The following TFDP2 variants were observed in gnomAD, a reference collection of about 807,000 sequenced individuals.
TFDP2 encodes the protein transcription factor Dp-2 (E2F dimerization partner 2).
A neutral mutation model predicts 59.3 loss-of-function variants in TFDP2; 17 were observed. The observed-to-expected ratio is 0.29, with a 90% CI of 0.20 to 0.43. TFDP2 has a LOEUF of 0.43. Ranked by LOEUF, TFDP2 falls within the 20% of genes least tolerant of loss-of-function variation. The pLI, the probability that TFDP2 is intolerant of heterozygous loss-of-function variation, is 1.00. For missense variants in TFDP2, 391 were observed against 528.8 expected, an observed-to-expected ratio of 0.74 and a Z score of 2.56; for synonymous variants, 180 against 194.7, an observed-to-expected ratio of 0.92 and a Z score of 0.63.
chr3:142,001,990 GTTTTTTT>G (rs140582209), intron 4 of TFDP2, among the ~76,000 whole-genome samples: 1 of 116,788 alleles, frequency 8.6e-6, no homozygotes, highest in Admixed American at 8.6e-5. Flanking sequence ...ACCATGCCTG[GTTTTTTT>G]TTTTTTTTTT....
At chr3:142,049,445 C>A (rs542703219) in intron 3 of TFDP2, among the ~76,000 whole-genome samples, 1 of 152,180 alleles carries the variant, frequency 6.6e-6, no homozygotes, top group African/African-American at 2.4e-5. Flanking sequence ...TCTCAGCAGA[C>A]AAGGAATAGA....
intron 3 of TFDP2, among the ~76,000 whole-genome samples, chr3:142,048,497 A>G (rs1337070229): frequency 6.6e-6 from 1 of 152,096 alleles, no homozygotes; most frequent in East Asian, 1.9e-4. Context: ...TTTGTCAGTA[A>G]TATTTCAGAT....
intron 9 of TFDP2, among the ~76,000 whole-genome samples, chr3:141,966,393 G>C (rs976245327): frequency 6.6e-6 from 1 of 151,584 alleles, no homozygotes; most frequent in Non-Finnish European, 1.5e-5. Flanking sequence ...GGCTGGTCTC[G>C]AACTCCTGAC....
chr3:142,088,724 C>A (rs539409855), intron 3 of TFDP2, among the ~76,000 whole-genome samples: 2 of 151,766 alleles, frequency 1.3e-5, no homozygotes, highest in African/African-American at 4.8e-5. Flanking sequence ...AATCCTTCCA[C>A]CTCAGTCTCC....
At chr3:142,079,872 C>T (rs2108577738) in intron 3 of TFDP2, among the ~76,000 whole-genome samples, 1 of 152,314 alleles carries the variant, frequency 6.6e-6, no homozygotes, top group South Asian at 2.1e-4. Context: ...AACACCAGAC[C>T]TGTTCTACAA....
intron 1 of TFDP2, among the ~76,000 whole-genome samples, chr3:142,110,181 G>C (rs944563393): frequency 6.6e-6 from 1 of 151,970 alleles, no homozygotes; most frequent in African/African-American, 2.4e-5. Context: ...ACCACGCCCA[G>C]TCCATTGCTC....
intron 6 of TFDP2, among the ~76,000 whole-genome samples, chr3:141,979,448 C>G (rs182475088): frequency 6.6e-6 from 1 of 152,220 alleles, no homozygotes; most frequent in African/African-American, 2.4e-5. Flanking sequence ...AGGAGGTATC[C>G]AGAAGAACGC....
At chr3:142,112,001 G>A (rs563902142) in intron 1 of TFDP2, among the ~76,000 whole-genome samples, 1 of 152,224 alleles carries the variant, frequency 6.6e-6, no homozygotes, top group South Asian at 2.1e-4. Context: ...AGGAGGCAGA[G>A]GCTGTAGTGA....
At chr3:142,079,596 T>A (rs2060569538) in intron 3 of TFDP2, among the ~76,000 whole-genome samples, 1 of 151,894 alleles carries the variant, frequency 6.6e-6, no homozygotes, top group Non-Finnish European at 1.5e-5. Flanking sequence ...GATTTAATAA[T>A]CAAACTCCTG....
chr3:141,974,301 ATTTT>A (rs1257703214), intron 7 of TFDP2, 110 bp from the exon 8 acceptor site: 1 of 960,170 alleles, frequency 1.0e-6, no homozygotes. Context: ...GAAGGATTCT[ATTTT>A]TTTATTTAGC....
At chr3:142,105,304 T>G (rs887540510) in intron 1 of TFDP2, among the ~76,000 whole-genome samples, 9 of 152,186 alleles carry the variant, frequency 5.9e-5, no homozygotes, top group African/African-American at 2.2e-4. Context: ...CCTTACAAGC[T>G]GAAGTGGCAA....
At chr3:142,023,620 T>C (rs1433846755) in intron 3 of TFDP2, among the ~76,000 whole-genome samples, 1 of 152,232 alleles carries the variant, frequency 6.6e-6, no homozygotes, top group East Asian at 1.9e-4. Context: ...TGTTTTATAA[T>C]ACCATGCACT....
intron 11 of TFDP2, among the ~76,000 whole-genome samples, chr3:141,956,685 G>A (rs1936710091): frequency 6.6e-6 from 1 of 151,998 alleles, no homozygotes; most frequent in African/African-American, 2.4e-5. Context: ...GCCAAGGCAG[G>A]TGGATCGCTT....
intron 11 of TFDP2, among the ~76,000 whole-genome samples, chr3:141,954,608 G>A (rs991096732): frequency 6.7e-6 from 1 of 150,114 alleles, no homozygotes; most frequent in African/African-American, 2.5e-5. Context: ...CTGCACTCCA[G>A]CCTGAGTGAC....
intron 4 of TFDP2, among the ~76,000 whole-genome samples, chr3:142,000,742 C>T (rs766971234): frequency 7.9e-5 from 12 of 152,168 alleles, no homozygotes; most frequent in Non-Finnish European, 1.5e-4. Context: ...GGGACAGGCA[C>T]AGAACATGCA....
At chr3:142,061,889 TACACACACACACA>T (rs1474338278) in intron 3 of TFDP2, among the ~76,000 whole-genome samples, 1,656 of 79,934 alleles carry the variant, frequency 0.021, 47 homozygotes, top group African/African-American at 0.058. Flanking sequence ...TCTCTCTCTC[TACACACACACACA>T]CACACACACA....
At chr3:142,019,138 C>A (rs1945393553) in intron 3 of TFDP2, among the ~76,000 whole-genome samples, 1 of 151,442 alleles carries the variant, frequency 6.6e-6, no homozygotes, top group African/African-American at 2.4e-5. Flanking sequence ...GATCTCGGCT[C>A]ACCGCATCCT....
rs1251257027 is a variant in TFDP2 at position 141,944,958 on chromosome 3, CTT to C, written c.*7553_*7554del. The C allele has an allele frequency of 6.6e-6, 1 of 152,194 alleles. No homozygotes were observed. The highest frequency in any genetic ancestry group is 1.5e-5 in the Non-Finnish European group (1 of 68,032). The allele number at this position is 152,194 out of a possible 1,614,324, so 9.4% of individuals were successfully genotyped here. ...TCAGATGTGGTGGTTGCATTTTCCT[CTT>C]ATCTCTCTTGTTTAAATTGCTTAAA... On this transcript the variant is annotated 3_prime_UTR_variant, in exon 13 of 13. Transcript: ENST00000489671.
chr3:141,977,326 C>T (rs898674004), intron 7 of TFDP2, among the ~76,000 whole-genome samples: 2 of 148,132 alleles, frequency 1.4e-5, no homozygotes, highest in Non-Finnish European at 3.0e-5. Flanking sequence ...AATCCCAGCA[C>T]TTTGGGAGGC....
Sources: allele counts gnomAD v4.1 joint callset (sites outside exome capture counted in the v4.1 genomes callset), GRCh38; gene constraint gnomAD v4.1.1; transcripts MANE v1.5; gene names NCBI Gene and HGNC (gene_info 2026-07-23, HGNC 2026-07-21).